The following CRPPA variants were observed in gnomAD, a reference collection of about 807,000 sequenced individuals.
CRPPA encodes CDP-L-ribitol pyrophosphorylase A.
Under a neutral mutation model 52.0 loss-of-function variants are expected in CRPPA, and 43 were observed. That is an observed-to-expected ratio of 0.83 (90% CI 0.65 to 1.07). The LOEUF is 1.07. Among genes scored for constraint, CRPPA ranks in the 50% least tolerant of loss-of-function variants. The pLI, the probability that CRPPA is intolerant of heterozygous loss-of-function variation, is 0.00. For missense variants in CRPPA, 629 were observed against 551.7 expected, an observed-to-expected ratio of 1.14 and a Z score of -1.40; for synonymous variants, 250 against 203.5, an observed-to-expected ratio of 1.23 and a Z score of -1.94.
intron 8 of CRPPA, among the ~76,000 whole-genome samples, chr7:16,244,444 T>G (rs566095280): frequency 6.6e-6 from 1 of 152,224 alleles, no homozygotes; most frequent in Non-Finnish European, 1.5e-5. Flanking sequence ...CAAAGTTACA[T>G]GACCCTTTAG....
intron 9 of CRPPA, among the ~76,000 whole-genome samples, chr7:16,163,794 T>C (rs748154806): frequency 6.6e-6 from 1 of 152,212 alleles, no homozygotes; most frequent in Non-Finnish European, 1.5e-5. Context: ...TGGCTGCTTA[T>C]GAAATTCTGG....
intron 3 of CRPPA, among the ~76,000 whole-genome samples, chr7:16,352,895 A>G (rs1283824724): frequency 1.5e-4 from 12 of 80,930 alleles, no homozygotes; most frequent in South Asian, 5.7e-4. Context: ...ACACACACAC[A>G]CACACACACA....
intron 5 of CRPPA, among the ~76,000 whole-genome samples, chr7:16,290,998 C>T (rs1784552763): frequency 6.6e-6 from 1 of 151,934 alleles, no homozygotes; most frequent in African/African-American, 2.4e-5. Flanking sequence ...CAAGATGACA[C>T]ACAAACGGCC....
chr7:16,232,109 T>A (rs192281291), intron 8 of CRPPA, among the ~76,000 whole-genome samples: 13 of 152,234 alleles, frequency 8.5e-5, no homozygotes, highest in Non-Finnish European at 1.8e-4. Context: ...AGAGAACTGA[T>A]CTGTGCACCT....
chr7:16,146,267 G>A (rs1418235309), intron 9 of CRPPA, among the ~76,000 whole-genome samples: 1 of 150,358 alleles, frequency 6.7e-6, no homozygotes, highest in Non-Finnish European at 1.5e-5. Context: ...ATTCGAGAGT[G>A]GAGAGATAAA....
intron 9 of CRPPA, among the ~76,000 whole-genome samples, chr7:16,152,260 G>A (rs1450738994): frequency 6.6e-6 from 1 of 151,714 alleles, no homozygotes; most frequent in African/African-American, 2.4e-5. Flanking sequence ...ACAAATATGT[G>A]AGATGTTAAT....
chr7:16,114,943 G>A (rs1782340895), intron 9 of CRPPA, among the ~76,000 whole-genome samples: 1 of 152,032 alleles, frequency 6.6e-6, no homozygotes, highest in African/African-American at 2.4e-5. Flanking sequence ...CTCAGTTAAT[G>A]ACTCCCCTGC....
Position 16,110,225 on chromosome 7 carries a change from T to C in CRPPA, c.1252-18426A>G, listed in dbSNP as rs572414499. 5.9e-5 allele frequency among the ~76,000 whole-genome samples: 9 copies of C among 151,994 alleles called. No homozygotes were observed. In the South Asian group the frequency reaches 1.9e-3, roughly 32 times the overall value. ...TTGGGAATAAATTTAATCAACAAGG[T>C]AAAGACCTATATAGTGAAAACTGTA... On this transcript the variant is annotated intron_variant, in intron 9 of 9. Transcript: ENST00000407010.
intron 9 of CRPPA, among the ~76,000 whole-genome samples, chr7:16,197,292 G>A (rs1340018695): frequency 6.6e-6 from 1 of 152,118 alleles, no homozygotes; most frequent in Non-Finnish European, 1.5e-5. Context: ...CAAAAAATAA[G>A]CTAAAAAAGA....
Position 16,376,154 on chromosome 7 carries a change from G to A in CRPPA, c.622C>T (p.His208Tyr), listed in dbSNP as rs1786878351. Residue 208 changes from histidine to tyrosine, a missense_variant, in exon 3 of 10, where the codon CAC (histidine) becomes TAC (tyrosine). His to Tyr is a moderately conservative substitution (Grantham distance 83). Transcript: ENST00000407010. ...GCTTGGGGCATTTCACTTGCTCTGT[G>A]TCTGGCACGTTCTAGCGAGTAGTCT... ...CLDYSLERAR[H>Y]RASEMPQAFL... is the part of the protein sequence containing the mutation. The A allele has an allele frequency of 1.9e-6, 3 of 1,613,066 alleles. No homozygotes were observed. The highest frequency in any genetic ancestry group is 2.7e-5 in the African/African-American group (2 of 74,876).
intron 9 of CRPPA, among the ~76,000 whole-genome samples, chr7:16,190,938 A>G (rs1781596769): frequency 6.6e-6 from 1 of 151,990 alleles, no homozygotes; most frequent in Non-Finnish European, 1.5e-5. Context: ...CATGAATGCC[A>G]TTATTTTGTT....
At chr7:16,411,290 C>A (rs561328588) in intron 1 of CRPPA, among the ~76,000 whole-genome samples, 2 of 152,148 alleles carry the variant, frequency 1.3e-5, no homozygotes, top group Non-Finnish European at 2.9e-5. Context: ...GATCTCCAGT[C>A]TGACTCTGGG....
intron 3 of CRPPA, among the ~76,000 whole-genome samples, chr7:16,312,933 G>C (rs1390878138): frequency 4.0e-5 from 6 of 151,864 alleles, no homozygotes; most frequent in Non-Finnish European, 8.8e-5. Context: ...CCAGTCAGTT[G>C]TGGGGTTTTG....
At chr7:16,260,667 C>A (rs1229041517) in intron 6 of CRPPA, among the ~76,000 whole-genome samples, 3 of 151,488 alleles carry the variant, frequency 2.0e-5, no homozygotes, top group Non-Finnish European at 2.9e-5. Context: ...TGAAATAAGG[C>A]AACCATATCA....
rs374587473 is a variant in CRPPA at position 16,403,141 on chromosome 7, G to GA, written c.534+2919dup. ...CCTAATTTCAAAATAGTGAGGGGGG[G>GA]AAAAAAACAGTTGTAGACTTAGAAT... On this transcript the variant is annotated intron_variant, in intron 2 of 9. Transcript: ENST00000407010. Among the ~76,000 whole-genome samples the GA allele has an allele frequency of 2.4e-3, 365 of 151,998 alleles. 2 individuals carry two copies. Among genetic ancestry groups the GA allele is most frequent in the African/African-American group, 8.5e-3 (352 of 41,488 alleles).
At chr7:16,184,293 A>AT (rs958065942) in intron 9 of CRPPA, among the ~76,000 whole-genome samples, 4 of 152,062 alleles carry the variant, frequency 2.6e-5, no homozygotes, top group Non-Finnish European at 5.9e-5. Context: ...AACATAATCC[A>AT]TTTTTTCAGT....
rs1278452520 is a variant in CRPPA at position 16,133,301 on chromosome 7, A to G, written c.1252-41502T>C. 3.3e-5 allele frequency among the ~76,000 whole-genome samples: 4 copies of G among 121,376 alleles called. 1 individual carries two copies. The highest frequency in any genetic ancestry group is 1.1e-4 in the African/African-American group (4 of 37,640). The allele number at this position is 121,376 out of a possible 152,430, so 79.6% of individuals were successfully genotyped here. ...CACTGCACTCAACCCTGGGTGACAGAGTGAGCATCTGTCTCAAAAAAAAAA... is the reference window on the plus strand; with the variant it reads ...CACTGCACTCAACCCTGGGTGACAGGGTGAGCATCTGTCTCAAAAAAAAAA... On this transcript the variant is annotated intron_variant, in intron 9 of 9. Transcript: ENST00000407010.
intron 2 of CRPPA, among the ~76,000 whole-genome samples, chr7:16,397,399 C>A (rs551672838): frequency 6.6e-6 from 1 of 152,260 alleles, no homozygotes; most frequent in South Asian, 2.1e-4. Context: ...GATGTGACAA[C>A]TGACACGTAA....
intron 2 of CRPPA, among the ~76,000 whole-genome samples, chr7:16,398,278 G>T (rs903337672): frequency 6.6e-6 from 1 of 151,480 alleles, no homozygotes; most frequent in Non-Finnish European, 1.5e-5. Context: ...GTGCATGATT[G>T]ACAAGACAAA....
Sources: gnomAD v4.1 joint callset for allele counts (sites outside exome capture counted in the v4.1 genomes callset) on GRCh38, gnomAD v4.1.1 for gene constraint, MANE v1.5 for transcripts, NCBI Gene and HGNC (gene_info 2026-07-23, HGNC 2026-07-21) for gene names.